SLCO2A1: variants seen among roughly 807,000 people sequenced by gnomAD.
SLCO2A1 encodes the protein solute carrier organic anion transporter family member 2A1.
SLCO2A1 carries 60 observed loss-of-function variants against 71.7 expected under a neutral mutation model. That is an observed-to-expected ratio of 0.84 (90% CI 0.68 to 1.04). SLCO2A1 has a LOEUF of 1.04. Among genes scored for constraint, SLCO2A1 ranks in the 50% least tolerant of loss-of-function variants. SLCO2A1 has a pLI of 0.00. For synonymous variants in SLCO2A1, 308 were observed against 326.7 expected (o/e 0.94, Z 0.62); for missense variants, 745 against 813.4 (o/e 0.92, Z 1.02).
At chr3:134,023,527 G>A (rs1272521225) in intron 1 of SLCO2A1, among the ~76,000 whole-genome samples, 1 of 152,180 alleles carries the variant, frequency 6.6e-6, no homozygotes, top group Non-Finnish European at 1.5e-5. Flanking sequence ...GTGCCAACCA[G>A]AAGTCTTGCC....
chr3:133,953,374 T>C (rs1230260837), intron 5 of SLCO2A1, among the ~76,000 whole-genome samples: 1 of 152,222 alleles, frequency 6.6e-6, no homozygotes, highest in Non-Finnish European at 1.5e-5. Context: ...ATGGGCGCTG[T>C]GGTGGCAACA....
Position 133,951,676 on chromosome 3 carries a change from A to T in SLCO2A1, c.725-332T>A, listed in dbSNP as rs369184087. On this transcript the variant is annotated intron_variant, in intron 5 of 13. Transcript: ENST00000310926. ...CTCACAAGGGCACACCATGGGCCAG[A>T]CTCTAGACCACGTGCTTTCCATCTG... Among the ~76,000 whole-genome samples the T allele has an allele frequency of 7.2e-5, 11 of 152,228 alleles. No homozygotes were observed. In the East Asian group the frequency reaches 1.7e-3, roughly 24 times the overall value.
chr3:134,007,851 A>G (rs1935250154), intron 1 of SLCO2A1, among the ~76,000 whole-genome samples: 2 of 152,284 alleles, frequency 1.3e-5, no homozygotes, highest in South Asian at 2.1e-4. Context: ...TGATGTCCTC[A>G]TTGTTCCTGT....
chr3:133,969,975 G>T (rs889380713), intron 3 of SLCO2A1, among the ~76,000 whole-genome samples: 1 of 152,186 alleles, frequency 6.6e-6, no homozygotes, highest in Non-Finnish European at 1.5e-5. Context: ...CAGGGACCAT[G>T]CCAAGGGAGG....
At chr3:134,000,396 A>C (rs1935084003) in intron 1 of SLCO2A1, among the ~76,000 whole-genome samples, 1 of 152,000 alleles carries the variant, frequency 6.6e-6, no homozygotes, top group South Asian at 2.1e-4. Flanking sequence ...AGCAAAGGGA[A>C]AAGGGCCGAT....
intron 1 of SLCO2A1, among the ~76,000 whole-genome samples, chr3:133,992,943 G>C (rs1293287745): frequency 1.3e-5 from 2 of 151,128 alleles, no homozygotes; most frequent in African/African-American, 4.9e-5. Flanking sequence ...TCATGAGTGT[G>C]GGTGCTGTCA....
At chr3:134,020,470 G>T in intron 1 of SLCO2A1, among the ~76,000 whole-genome samples, 1 of 152,228 alleles carries the variant, frequency 6.6e-6, no homozygotes, top group South Asian at 2.1e-4. Flanking sequence ...TCCTGAGAGC[G>T]CTCAGGGGTA....
chr3:133,993,370 T>C (rs1025176996), intron 1 of SLCO2A1, among the ~76,000 whole-genome samples: 2 of 152,162 alleles, frequency 1.3e-5, no homozygotes, highest in Non-Finnish European at 2.9e-5. Flanking sequence ...ATGGAGCATG[T>C]GGATAGCTGG....
chr3:133,936,741 A>AAGAC (rs1315653336), intron 12 of SLCO2A1, among the ~76,000 whole-genome samples: 1 of 152,208 alleles, frequency 6.6e-6, no homozygotes, highest in East Asian at 1.9e-4. Context: ...TTCCAGAAGA[A>AAGAC]AGACAGACAA....
chr3:134,012,059 A>G (rs1935356960), intron 1 of SLCO2A1, among the ~76,000 whole-genome samples: 1 of 152,170 alleles, frequency 6.6e-6, no homozygotes, highest in African/African-American at 2.4e-5. Context: ...AGTGGTGACC[A>G]GGCTCCTGTC....
At chr3:134,019,652 G>T (rs893507267) in intron 1 of SLCO2A1, among the ~76,000 whole-genome samples, 4 of 152,142 alleles carry the variant, frequency 2.6e-5, no homozygotes, top group Admixed American at 2.0e-4. Context: ...AGGTAAGGAC[G>T]CTGAGGCCCT....
chr3:133,957,902 T>C (rs1278798200), intron 3 of SLCO2A1, among the ~76,000 whole-genome samples: 2 of 152,166 alleles, frequency 1.3e-5, no homozygotes, highest in Non-Finnish European at 2.9e-5. Flanking sequence ...ATTAAAGAGG[T>C]AGAAGACTAT....
chr3:133,932,777 C>G lies in SLCO2A1; in HGVS notation c.*1936G>C, dbSNP rs571308785. On this transcript the variant is annotated 3_prime_UTR_variant, in exon 14 of 14. Transcript: ENST00000310926. The stretch of plus-strand genomic sequence containing the variant: ...GGGAGTGCAACCAATCTTCTAGAAC[C>G]TGAAGGTTGGCATTCATTGTTCATA... 1.5e-4 allele frequency: 23 copies of G among 152,632 alleles called. No individual in the cohort carries two copies. The East Asian group carries it at 4.4e-3, about 29-fold the overall frequency. The allele number at this position is 152,632 out of a possible 1,614,324, so 9.5% of individuals were successfully genotyped here. A position where few individuals can be genotyped will look rare whatever the true frequency, so the allele number is the denominator to read the frequency against.
chr3:133,963,797 T>C (rs148929698), intron 3 of SLCO2A1, among the ~76,000 whole-genome samples: 172 of 148,668 alleles, frequency 1.2e-3, no homozygotes, highest in African/African-American at 4.2e-3. Context: ...GGAACCTCAT[T>C]CAGAATGTTC....
chr3:133,948,508 C>A, intron 8 of SLCO2A1, 28 bp downstream of exon 8: 1 of 1,597,738 alleles, frequency 6.3e-7, no homozygotes, highest in Non-Finnish European at 8.5e-7. Context: ...GCAAGCCCTG[C>A]GGATCCTGCA....
At chr3:133,995,892 A>G (rs1156278514) in intron 1 of SLCO2A1, among the ~76,000 whole-genome samples, 1 of 152,190 alleles carries the variant, frequency 6.6e-6, no homozygotes, top group Non-Finnish European at 1.5e-5. Context: ...TTTTCCTTCT[A>G]TTGTATCCAT....
intron 1 of SLCO2A1, among the ~76,000 whole-genome samples, chr3:134,012,075 C>T (rs1935357491): frequency 6.6e-6 from 1 of 152,138 alleles, no homozygotes; most frequent in Admixed American, 6.5e-5. Context: ...CTGTCAGTGA[C>T]CAGAACCAGC....
intron 1 of SLCO2A1, among the ~76,000 whole-genome samples, chr3:133,988,063 C>T (rs1471607628): frequency 2.6e-5 from 4 of 152,144 alleles, no homozygotes; most frequent in Non-Finnish European, 5.9e-5. Flanking sequence ...CCTCACTGCC[C>T]CAAGCATCTG....
chr3:134,001,780 C>G (rs1028005558), intron 1 of SLCO2A1, among the ~76,000 whole-genome samples: 1 of 152,148 alleles, frequency 6.6e-6, no homozygotes, highest in Non-Finnish European at 1.5e-5. Context: ...GAAACTGTTA[C>G]ATGCAGAGGT....
Sources: allele counts gnomAD v4.1 joint callset (sites outside exome capture counted in the v4.1 genomes callset), GRCh38; gene constraint gnomAD v4.1.1; transcripts MANE v1.5; gene names NCBI Gene and HGNC (gene_info 2026-07-23, HGNC 2026-07-21).